Variants in PRRG4 observed in about 807,000 individuals in gnomAD.
PRRG4 encodes the protein transmembrane gamma-carboxyglutamic acid protein 4.
Under a neutral mutation model 20.0 loss-of-function variants are expected in PRRG4, and 12 were observed. The observed-to-expected ratio is 0.60, with a 90% CI of 0.38 to 0.97. The LOEUF is 0.97. Ranked by LOEUF, PRRG4 falls within the 50% of genes least tolerant of loss-of-function variation. The probability of loss-of-function intolerance (pLI) is 0.00; values close to 1 mark genes in which losing one functional copy is unlikely to be tolerated. For synonymous variants in PRRG4, 94 were observed against 96.4 expected (o/e 0.98, Z 0.15); for missense variants, 199 against 265.1 (o/e 0.75, Z 1.73).
intron 5 of PRRG4, among the ~76,000 whole-genome samples, chr11:32,847,899 A>G (rs1851145541): frequency 6.6e-6 from 1 of 152,264 alleles, no homozygotes; most frequent in Non-Finnish European, 1.5e-5. Flanking sequence ...CAACTGTTGT[A>G]TGATTCCACT....
intron 2 of PRRG4, among the ~76,000 whole-genome samples, chr11:32,835,104 C>T (rs2133438797): frequency 6.6e-6 from 1 of 152,326 alleles, no homozygotes; most frequent in South Asian, 2.1e-4. Flanking sequence ...CTACTCCCAG[C>T]CACAAGCTAC....
chr11:32,843,550 T>C (rs1851099124), intron 5 of PRRG4, among the ~76,000 whole-genome samples: 1 of 152,036 alleles, frequency 6.6e-6, no homozygotes, highest in Admixed American at 6.5e-5. Context: ...TTACATGTCC[T>C]CCTCTGCAAC....
Position 32,853,487 on chromosome 11 carries a change from T to G in PRRG4, c.641T>G (p.Phe214Cys), listed in dbSNP as rs747191600. 1 of 1,613,972 alleles carries G rather than the reference T, an allele frequency of 6.2e-7. No homozygotes were observed. The highest frequency in any genetic ancestry group is 8.5e-7 in the Non-Finnish European group (1 of 1,179,988). ...PPPYPGHTKG[F>C]RVFKKSMSLP... ...CCATATCCTGGGCACACAAAAGGATTTAGGGTATTTAAAAAATCTATGTCT... is the reference window on the plus strand; with the variant it reads ...CCATATCCTGGGCACACAAAAGGATGTAGGGTATTTAAAAAATCTATGTCT... The change falls in exon 6 of 6, where the codon TTT becomes TGT. Residue 214 changes from phenylalanine to cysteine, a missense_variant. By Grantham distance (205) the Phe-to-Cys change is radical. Transcript: ENST00000257836.
intron 5 of PRRG4, among the ~76,000 whole-genome samples, chr11:32,851,975 G>A (rs1419281788): frequency 6.6e-6 from 1 of 152,178 alleles, no homozygotes; most frequent in Non-Finnish European, 1.5e-5. Context: ...ATTTATTAAT[G>A]TCTAAATCAT....
intron 5 of PRRG4, among the ~76,000 whole-genome samples, chr11:32,848,213 A>G (rs36049175): frequency 0.1 from 15,612 of 152,164 alleles, 842 homozygotes; most frequent in Non-Finnish European, 0.13. Context: ...TATTCCTCAC[A>G]TGGCAGAAGA....
At chr11:32,834,855 C>T (rs1292173202) in intron 2 of PRRG4, among the ~76,000 whole-genome samples, 1 of 152,012 alleles carries the variant, frequency 6.6e-6, no homozygotes, top group Admixed American at 6.6e-5. Flanking sequence ...GCTCTGTCAC[C>T]CAAGCTGGAG....
Position 32,855,942 on chromosome 11 carries a change from C to A in PRRG4, c.*2415C>A, listed in dbSNP as rs1481763300. 7.2e-5 allele frequency: 11 copies of A among 152,180 alleles called. No individual in the cohort carries two copies. 9.4% of individuals were successfully genotyped at this position (152,180 alleles called of 1,614,324 possible). A position where few individuals can be genotyped will look rare whatever the true frequency, so the allele number is the denominator to read the frequency against. ...ACTGGGTTTAGAATGAGTGAGCACA[C>A]TTTTCTAGTCCCATGTCATGCCTAT... is the stretch of plus-strand genomic sequence containing the variant. On this transcript the variant is annotated 3_prime_UTR_variant, in exon 6 of 6. Transcript: ENST00000257836.
intron 5 of PRRG4, among the ~76,000 whole-genome samples, chr11:32,849,988 C>T (rs1357663059): frequency 6.6e-6 from 1 of 152,246 alleles, no homozygotes; most frequent in Non-Finnish European, 1.5e-5. Context: ...TGAGCAAGGT[C>T]TTTCTAGGAC....
chr11:32,845,102 AT>A (rs1240418739), intron 5 of PRRG4, among the ~76,000 whole-genome samples: 3 of 152,124 alleles, frequency 2.0e-5, no homozygotes, highest in Non-Finnish European at 2.9e-5. Flanking sequence ...TGTAAAAAAA[AT>A]AAAAATAAAA....
At chr11:32,835,086 A>G (rs948072424) in intron 2 of PRRG4, among the ~76,000 whole-genome samples, 3 of 152,222 alleles carry the variant, frequency 2.0e-5, no homozygotes, top group Non-Finnish European at 4.4e-5. Flanking sequence ...GATTACAGGC[A>G]TGAGCCACTA....
intron 5 of PRRG4, among the ~76,000 whole-genome samples, chr11:32,843,733 T>G (rs1158482846): frequency 4.1e-5 from 6 of 147,652 alleles, no homozygotes; most frequent in East Asian, 3.9e-4. Context: ...TTTTTCTGTT[T>G]TTTTTTTTTT....
intron 5 of PRRG4, among the ~76,000 whole-genome samples, chr11:32,847,782 A>G (rs1185248379): frequency 6.6e-6 from 1 of 152,240 alleles, no homozygotes; most frequent in Admixed American, 6.5e-5. Context: ...TATCCATGCA[A>G]TGAAATATTA....
intron 2 of PRRG4, among the ~76,000 whole-genome samples, chr11:32,831,438 A>C (rs1565112089): frequency 6.6e-6 from 1 of 152,088 alleles, no homozygotes; most frequent in Non-Finnish European, 1.5e-5. Context: ...CTGTTACACT[A>C]GTACTCCTAA....
At chr11:32,830,769 G>T in intron 2 of PRRG4, 137 bp downstream of exon 2, 1 of 1,393,596 alleles carries the variant, frequency 7.2e-7, no homozygotes, top group Non-Finnish European at 9.6e-7. Flanking sequence ...TGGCATATTT[G>T]GCAAGGTTGT....
At chr11:32,835,604 G>A (rs956393434) in intron 2 of PRRG4, among the ~76,000 whole-genome samples, 8 of 152,180 alleles carry the variant, frequency 5.3e-5, no homozygotes, top group Non-Finnish European at 7.4e-5. Flanking sequence ...TTACCTTCCC[G>A]TCAAATGTAA....
At chr11:32,843,691 A>G (rs1036911089) in intron 5 of PRRG4, among the ~76,000 whole-genome samples, 3 of 151,118 alleles carry the variant, frequency 2.0e-5, no homozygotes, top group African/African-American at 4.9e-5. Flanking sequence ...AGTAGTATTA[A>G]GTTGATTCAC....
chr11:32,852,772 CTTTTTTTTTTT>C (rs531547410), intron 5 of PRRG4, among the ~76,000 whole-genome samples: 2 of 126,702 alleles, frequency 1.6e-5, no homozygotes, highest in Non-Finnish European at 3.4e-5. Context: ...TCAGATTTCT[CTTTTTTTTTTT>C]TTTTTTTTAG....
Position 32,830,159 on chromosome 11 carries a change from T to G in PRRG4, c.-37T>G. ...CTGGCCCGGGGGCTGCTGGAACATG[T>G]GCGGGGGGACACAGGTACGAGGCCT... On this transcript the variant is annotated 5_prime_UTR_variant, in exon 1 of 6. Transcript: ENST00000257836. 5.9e-6 allele frequency: 6 copies of G among 1,019,922 alleles called. No homozygotes were observed. The highest frequency in any genetic ancestry group is 5.9e-6 in the Non-Finnish European group (5 of 853,304). 63.2% of individuals were successfully genotyped at this position (1,019,922 alleles called of 1,614,324 possible). A position where few individuals can be genotyped will look rare whatever the true frequency, so the allele number is the denominator to read the frequency against.
chr11:32,845,282 A>C (rs571667363), intron 5 of PRRG4, among the ~76,000 whole-genome samples: 1 of 152,228 alleles, frequency 6.6e-6, no homozygotes, highest in Non-Finnish European at 1.5e-5. Context: ...TTACCATTTG[A>C]GTGAGGCAAC....
Sources: gnomAD v4.1 joint callset for allele counts (sites outside exome capture counted in the v4.1 genomes callset) on GRCh38, gnomAD v4.1.1 for gene constraint, MANE v1.5 for transcripts, NCBI Gene and HGNC (gene_info 2026-07-23, HGNC 2026-07-21) for gene names.